TUBA4B: variants seen among roughly 807,000 people sequenced by gnomAD.
TUBA4B encodes the protein tubulin alpha 4b, also known as tubulin-like protein alpha-4B.
TUBA4B carries 13 observed loss-of-function variants against 18.4 expected under a neutral mutation model. The observed-to-expected ratio is 0.71, with a 90% CI of 0.46 to 1.12. The LOEUF is 1.12. TUBA4B is among the 50% of genes most tolerant of loss of function. The probability of loss-of-function intolerance (pLI) is 0.00; values close to 1 mark genes in which losing one functional copy is unlikely to be tolerated. For missense variants in TUBA4B, 244 were observed against 250.0 expected, an observed-to-expected ratio of 0.98 and a Z score of 0.16; for synonymous variants, 101 against 99.1, an observed-to-expected ratio of 1.02 and a Z score of -0.11.
chr2:219,259,332 A>AG lies in TUBA4B; in HGVS notation c.12+5913_12+5914insG, dbSNP rs1423526851. On this transcript the variant is annotated intron_variant, in intron 1 of 3. Coordinates refer to ENST00000490341, the MANE Select transcript of TUBA4B (RefSeq NM_001355221.1). ...AAGACTCTGTCTAAAAAAAAAAAAA[A>AG]AAAAAAAAGAAATGCCCAAGGCATG... Among the ~76,000 whole-genome samples, 700 of 149,818 alleles carry AG rather than the reference A, an allele frequency of 4.7e-3. 5 individuals carry two copies. The highest frequency in any genetic ancestry group is 0.018 in the East Asian group (90 of 5,108).
At position 219,265,563 on chromosome 2, in the gene TUBA4B, G is replaced by A. The variant is rs187229949; in HGVS notation, c.13-958G>A. Among the ~76,000 whole-genome samples the A allele has an allele frequency of 3.9e-5, 6 of 152,274 alleles. No homozygotes were observed. The East Asian group carries it at 9.7e-4, about 24-fold the overall frequency. On this transcript the variant is annotated intron_variant, in intron 1 of 3. Coordinates refer to ENST00000490341, the MANE Select transcript of TUBA4B (RefSeq NM_001355221.1). ...GAGGCAGGAGAATCGCTCGAACCCC[G>A]GAGGTGGAGGTTGCAGTGAGCTGAG...
rs755129447 is a variant in TUBA4B at position 219,270,233 on chromosome 2, G to C, written c.90G>C (p.Gln30His). Residue 30 changes from glutamine (Q) to histidine (H), a missense_variant, in exon 3 of 4, where the codon CAG becomes CAC. Gln to His is a conservative substitution (Grantham distance 24, BLOSUM62 0). Transcript: ENST00000490341. ...GTYRQIFHPE[Q>H]LITGKEDAAN... ...ACCGCCAGATCTTCCATCCAGAGCA[G>C]CTCATCACAGGCAAGGAAGATGCTG... The C allele has an allele frequency of 1.3e-6, 1 of 766,896 alleles. No homozygotes were observed. The highest frequency in any genetic ancestry group is 2.4e-6 in the Non-Finnish European group (1 of 413,004). The allele number at this position is 766,896 out of a possible 1,614,324, so 47.5% of individuals were successfully genotyped here.
intron 2 of TUBA4B, among the ~76,000 whole-genome samples, chr2:219,268,105 C>CT (rs544596055): frequency 0.05 from 5,945 of 118,696 alleles, 392 homozygotes; most frequent in African/African-American, 0.13. Flanking sequence ...AACTCATTAT[C>CT]TTTTTTTTTT....
Position 219,271,748 on chromosome 2 carries a change from A to G in TUBA4B, c.*49A>G, listed in dbSNP as rs778949839. The G allele has an allele frequency of 1.7e-5, 28 of 1,611,370 alleles. No homozygotes were observed. The highest frequency in any genetic ancestry group is 1.7e-4 in the African/African-American group (13 of 74,886). ...TACATGGCCTGCTGCCTGCTATACC[A>G]TGGAGATGTGGTGCCCAAGGATGTC... is the stretch of plus-strand genomic sequence containing the variant. On this transcript the variant is annotated 3_prime_UTR_variant, in exon 4 of 4. Coordinates refer to ENST00000490341, the MANE Select transcript of TUBA4B (RefSeq NM_001355221.1).
intron 1 of TUBA4B, among the ~76,000 whole-genome samples, chr2:219,260,601 C>T (rs550945276): frequency 5.9e-5 from 9 of 152,324 alleles, no homozygotes; most frequent in South Asian, 2.1e-4. Flanking sequence ...TCTACCCTCA[C>T]CCCACTCCCT....
intron 3 of TUBA4B, among the ~76,000 whole-genome samples, chr2:219,270,934 A>G (rs985542723): frequency 6.6e-6 from 1 of 151,824 alleles, no homozygotes; most frequent in African/African-American, 2.4e-5. Flanking sequence ...CCTCTTTTCC[A>G]GCATACAACA....
intron 1 of TUBA4B, among the ~76,000 whole-genome samples, chr2:219,262,204 G>A (rs1227188126): frequency 6.6e-6 from 1 of 152,290 alleles, no homozygotes; most frequent in Non-Finnish European, 1.5e-5. Context: ...CCAGCAACTC[G>A]GGAGGCTGAA....
chr2:219,271,895 T>C lies in TUBA4B; in HGVS notation c.*196T>C. ...ACTGTGGTGCCTGGGAGTGACCTGGTAAAGTGCAACGTGCCATGTGCATGC... is the reference window on the plus strand; with the variant it reads ...ACTGTGGTGCCTGGGAGTGACCTGGCAAAGTGCAACGTGCCATGTGCATGC... On this transcript the variant is annotated 3_prime_UTR_variant, in exon 4 of 4. Transcript: ENST00000490341. 1 of 1,445,994 alleles carries C rather than the reference T, an allele frequency of 6.9e-7. No individual in the cohort carries two copies. The highest frequency in any genetic ancestry group is 9.7e-7 in the Non-Finnish European group (1 of 1,027,300). 89.6% of individuals were successfully genotyped at this position (1,445,994 alleles called of 1,614,324 possible).
At position 219,271,804 on chromosome 2, in the gene TUBA4B, T is replaced by G. The variant is rs531909544; in HGVS notation, c.*105T>G. Reference sequence around the variant, plus strand: ...TGCCATTGCTGCCATCAAGACCAAGTGCAGCATTCAGTTTGTGGACTGGTG... The same window carrying G: ...TGCCATTGCTGCCATCAAGACCAAGGGCAGCATTCAGTTTGTGGACTGGTG... On this transcript the variant is annotated 3_prime_UTR_variant, in exon 4 of 4. Coordinates refer to ENST00000490341, the MANE Select transcript of TUBA4B (RefSeq NM_001355221.1). 3.7e-6 allele frequency: 6 copies of G among 1,602,076 alleles called. No individual in the cohort carries two copies. The African/African-American group carries it at 5.4e-5, about 14-fold the overall frequency.
At chr2:219,270,725 G>A (rs1359988552) in intron 3 of TUBA4B, among the ~76,000 whole-genome samples, 7 of 136,988 alleles carry the variant, frequency 5.1e-5, no homozygotes, top group Non-Finnish European at 1.0e-4. Context: ...GATTGGCTTT[G>A]GCTTCTACGA....
At chr2:219,267,082 GAGA>G (rs1362939847) in intron 2 of TUBA4B, among the ~76,000 whole-genome samples, 9 of 152,158 alleles carry the variant, frequency 5.9e-5, no homozygotes, top group African/African-American at 1.9e-4. Context: ...GATCAGTGGG[GAGA>G]AGAAGGAGGA....
rs1951683168 is a variant in TUBA4B, at chr2:219,253,489, GA to G, written c.12+71del. The stretch of plus-strand genomic sequence containing the variant: ...TCAGTGCTGAGGACCAGGGACTGGG[GA>G]TGTAAGAGGGCAGCCAAACCCGTCT... On this transcript the variant is annotated intron_variant, in intron 1 of 3. Coordinates refer to ENST00000490341, the MANE Select transcript of TUBA4B (RefSeq NM_001355221.1). 2.7e-5 allele frequency: 34 copies of G among 1,262,018 alleles called. No homozygotes were observed. In the South Asian group the frequency reaches 4.0e-4, roughly 15 times the overall value. 78.2% of individuals were successfully genotyped at this position (1,262,018 alleles called of 1,614,324 possible).
At chr2:219,255,082 G>C (rs552346032) in intron 1 of TUBA4B, among the ~76,000 whole-genome samples, 1 of 151,582 alleles carries the variant, frequency 6.6e-6, no homozygotes, top group Non-Finnish European at 1.5e-5. Flanking sequence ...TCAGTGTCTT[G>C]CTGTGTCACC....
Position 219,271,632 on chromosome 2 carries a change from A to G in TUBA4B, c.659A>G (p.Tyr220Cys). The change falls in exon 4 of 4, where the codon TAT (tyrosine) becomes TGT (cysteine). Residue 220 changes from tyrosine to cysteine, a missense_variant. Coordinates refer to ENST00000490341, the MANE Select transcript of TUBA4B (RefSeq NM_001355221.1). ...PMHQSSLQKRYTTSSCWWQRL... is the reference protein window; with the variant it reads ...PMHQSSLQKRCTTSSCWWQRL... ...CACCAGTCATCTCTGCAGAAAAGGT[A>G]TACCACGAGCAGCTGTTGGTGGCAG... 2.5e-6 allele frequency: 4 copies of G among 1,614,008 alleles called. No individual in the cohort carries two copies. Among genetic ancestry groups the G allele is most frequent in the Middle Eastern group, 1.6e-4 (1 of 6,062 alleles).
intron 1 of TUBA4B, among the ~76,000 whole-genome samples, chr2:219,261,048 C>T (rs1951756996): frequency 6.6e-6 from 1 of 152,070 alleles, no homozygotes; most frequent in Non-Finnish European, 1.5e-5. Flanking sequence ...TCTCCTCTCC[C>T]TCTTTTAAGT....
chr2:219,260,747 C>T (rs977736865), intron 1 of TUBA4B, among the ~76,000 whole-genome samples: 8 of 152,208 alleles, frequency 5.3e-5, no homozygotes, highest in South Asian at 4.1e-4. Flanking sequence ...GCCAAGGTGG[C>T]GGATCACCTG....
intron 1 of TUBA4B, among the ~76,000 whole-genome samples, chr2:219,263,683 T>A (rs1024012290): frequency 6.6e-6 from 1 of 152,212 alleles, no homozygotes; most frequent in Admixed American, 6.5e-5. Flanking sequence ...GCCAACCCAG[T>A]AGAAGGCTGA....
intron 3 of TUBA4B, 103 bp downstream of exon 3, chr2:219,270,438 A>T: frequency 1.5e-6 from 1 of 660,726 alleles, no homozygotes; most frequent in African/African-American, 1.8e-5. Flanking sequence ...AGCCTCTGGG[A>T]GAAACACACA....
intron 2 of TUBA4B, among the ~76,000 whole-genome samples, chr2:219,266,976 T>C (rs1169317318): frequency 6.6e-6 from 1 of 152,116 alleles, no homozygotes; most frequent in South Asian, 2.1e-4. Context: ...CTTCCCACCA[T>C]GGGGACACAT....
Sources: allele counts gnomAD v4.1 joint callset (sites outside exome capture counted in the v4.1 genomes callset), GRCh38; gene constraint gnomAD v4.1.1; transcripts MANE v1.5; gene names NCBI Gene and HGNC (gene_info 2026-07-23, HGNC 2026-07-21).